Variants in LRP1B observed in about 807,000 individuals in gnomAD.
The protein encoded by LRP1B is LDL receptor related protein 1B.
In LRP1B, 217 loss-of-function variants were observed where a neutral mutation model predicts 556.6. The observed-to-expected ratio is 0.39, with a 90% confidence interval of 0.35 to 0.44. The LOEUF is 0.44. Ranked by LOEUF, LRP1B falls within the 20% of genes least tolerant of loss-of-function variation. The pLI is 1.00. For synonymous variants in LRP1B, 2,047 were observed against 1,865.8 expected (o/e 1.10, Z -2.50); for missense variants, 5,053 against 5,620.8 (o/e 0.90, Z 3.23).
intron 86 of LRP1B, among the ~76,000 whole-genome samples, chr2:140,264,301 T>C (rs1050016482): frequency 6.6e-6 from 1 of 152,288 alleles, no homozygotes; most frequent in East Asian, 1.9e-4. Context: ...CAGTCTCAGC[T>C]CACTGCAACC....
intron 6 of LRP1B, among the ~76,000 whole-genome samples, chr2:141,196,378 C>T (rs1044157743): frequency 2.6e-5 from 4 of 152,072 alleles, no homozygotes; most frequent in Admixed American, 2.0e-4. Flanking sequence ...CTATATAAGA[C>T]TAGAAATTCA....
chr2:141,689,547 G>A (rs769922613), intron 2 of LRP1B, among the ~76,000 whole-genome samples: 4 of 114,868 alleles, frequency 3.5e-5, no homozygotes, highest in Non-Finnish European at 8.4e-5. Flanking sequence ...TTGCTTTATT[G>A]TATATTGTAT....
intron 41 of LRP1B, among the ~76,000 whole-genome samples, chr2:140,634,678 T>G (rs552264577): frequency 6.6e-6 from 1 of 152,150 alleles, no homozygotes; most frequent in South Asian, 2.1e-4. Flanking sequence ...TGGCACTTCC[T>G]CTCAATTATT....
intron 7 of LRP1B, among the ~76,000 whole-genome samples, chr2:141,135,699 G>C (rs1257494971): frequency 6.6e-6 from 1 of 151,866 alleles, no homozygotes; most frequent in Non-Finnish European, 1.5e-5. Flanking sequence ...TGATCACCAA[G>C]TCTCAATAAT....
At position 141,058,926 on chromosome 2, in the gene LRP1B, A is replaced by T. The variant is rs58748805; in HGVS notation, c.1365T>A (p.Asn455Lys). 11 of 1,598,540 alleles carry T rather than the reference A, an allele frequency of 6.9e-6. No homozygotes were observed. The African/African-American group carries it at 9.5e-5, about 14-fold the overall frequency. ...TTTGATAAATTCGGATTCCCCAAGC[A>T]TTCTCAATTTTAATTAATGAGTGAA... ...TDIHSLIKIE[N>K]AWGIRIYQKR... The change falls in exon 9 of 91, where the codon AAT becomes AAA. Residue 455 changes from asparagine (N) to lysine (K), a missense_variant. Asn to Lys is a moderately conservative substitution (Grantham distance 94, BLOSUM62 0). Transcript: ENST00000389484.
At chr2:140,646,931 T>G (rs1280591574) in intron 41 of LRP1B, among the ~76,000 whole-genome samples, 1 of 152,054 alleles carries the variant, frequency 6.6e-6, no homozygotes, top group East Asian at 1.9e-4. Flanking sequence ...ATATCATATA[T>G]ATAAACATAT....
chr2:140,869,776 G>A (rs1443401831), intron 25 of LRP1B, among the ~76,000 whole-genome samples: 2 of 152,018 alleles, frequency 1.3e-5, no homozygotes, highest in Non-Finnish European at 2.9e-5. Context: ...GAAGGATATT[G>A]TGTATAGGGG....
At chr2:140,469,172 C>T (rs1687667513) in intron 60 of LRP1B, among the ~76,000 whole-genome samples, 1 of 152,064 alleles carries the variant, frequency 6.6e-6, no homozygotes, top group African/African-American at 2.4e-5. Flanking sequence ...TATATTGGAA[C>T]CTAATACCCA....
chr2:140,803,542 C>T lies in LRP1B; in HGVS notation c.5359+10115G>A, dbSNP rs1247736089. ...CTCCATCTCCTGATCTCGTGATCCA[C>T]TCGCCTTGGCCTCCCAAAGTGCTGG... On this transcript the variant is annotated intron_variant, in intron 32 of 90. Coordinates refer to ENST00000389484, the MANE Select transcript of LRP1B (RefSeq NM_018557.3). Among the ~76,000 whole-genome samples the T allele has an allele frequency of 2.0e-5, 3 of 152,028 alleles. No homozygotes were observed. The East Asian group carries it at 5.8e-4, about 29-fold the overall frequency.
intron 7 of LRP1B, among the ~76,000 whole-genome samples, chr2:141,165,540 A>G (rs1680213318): frequency 6.6e-6 from 1 of 152,022 alleles, no homozygotes; most frequent in South Asian, 2.1e-4. Context: ...CATGATATCA[A>G]TAATTTACAA....
At chr2:140,916,629 T>C (rs1225150569) in intron 21 of LRP1B, among the ~76,000 whole-genome samples, 3 of 152,182 alleles carry the variant, frequency 2.0e-5, no homozygotes, top group Non-Finnish European at 4.4e-5. Flanking sequence ...CAATGGAATC[T>C]AGAGGGGAAG....
chr2:140,439,039 A>T (rs1020245144), intron 66 of LRP1B, among the ~76,000 whole-genome samples: 3 of 152,254 alleles, frequency 2.0e-5, no homozygotes, highest in African/African-American at 7.2e-5. Flanking sequence ...TCCAGATTCT[A>T]ATATCATCTT....
At chr2:141,625,724 C>T (rs1688681352) in intron 2 of LRP1B, among the ~76,000 whole-genome samples, 1 of 152,116 alleles carries the variant, frequency 6.6e-6, no homozygotes, top group Non-Finnish European at 1.5e-5. Context: ...TTTTTATAGA[C>T]ATCAGTGTTA....
intron 2 of LRP1B, among the ~76,000 whole-genome samples, chr2:141,552,669 TA>T (rs1238885267): frequency 2.6e-5 from 4 of 152,018 alleles, no homozygotes; most frequent in South Asian, 2.1e-4. Context: ...CCCTTTGTAT[TA>T]AAAAAATGTT....
At chr2:142,087,863 C>A (rs908316566) in intron 1 of LRP1B, among the ~76,000 whole-genome samples, 1 of 152,026 alleles carries the variant, frequency 6.6e-6, no homozygotes, top group Non-Finnish European at 1.5e-5. Flanking sequence ...ACTATCTCTT[C>A]CTGCTTAAGA....
intron 1 of LRP1B, among the ~76,000 whole-genome samples, chr2:141,951,810 A>C (rs980511618): frequency 1.3e-5 from 2 of 152,142 alleles, no homozygotes; most frequent in African/African-American, 4.8e-5. Flanking sequence ...CTTTGATTAG[A>C]AACAACTGAT....
intron 37 of LRP1B, among the ~76,000 whole-genome samples, chr2:140,715,651 G>A (rs999983977): frequency 6.6e-6 from 1 of 151,952 alleles, no homozygotes; most frequent in Non-Finnish European, 1.5e-5. Context: ...GCTATCAAAT[G>A]GCTATTTTAC....
chr2:140,429,490 C>T (rs1685821949), intron 66 of LRP1B, among the ~76,000 whole-genome samples: 1 of 152,146 alleles, frequency 6.6e-6, no homozygotes. Flanking sequence ...ATTACCTGGG[C>T]TGTACTGCCA....
chr2:141,965,771 T>TAATA (rs1277192242), intron 1 of LRP1B, among the ~76,000 whole-genome samples: 2 of 112,740 alleles, frequency 1.8e-5, no homozygotes, highest in East Asian at 2.4e-4. Context: ...ATAATAGTAA[T>TAATA]AATAAATAAA....
Sources: allele counts gnomAD v4.1 joint callset (sites outside exome capture counted in the v4.1 genomes callset), GRCh38; gene constraint gnomAD v4.1.1; transcripts MANE v1.5; gene names NCBI Gene and HGNC (gene_info 2026-07-23, HGNC 2026-07-21).